The following KCND3 variants were observed in gnomAD, a reference collection of about 807,000 sequenced individuals.
KCND3 encodes the protein potassium voltage-gated channel subfamily D member 3, also known as A-type voltage-gated potassium channel KCND3.
KCND3 carries 9 observed loss-of-function variants against 51.1 expected under a neutral mutation model. That is an observed-to-expected ratio of 0.18 (90% CI 0.11 to 0.31). The LOEUF (loss-of-function observed/expected upper bound fraction) is 0.31, where lower values mean the gene tolerates loss of function less well. Among genes scored for constraint, KCND3 ranks in the 10% least tolerant of loss-of-function variants. The pLI is 1.00. For missense variants in KCND3, 526 were observed against 903.8 expected, an observed-to-expected ratio of 0.58 and a Z score of 5.36; for synonymous variants, 349 against 368.0, an observed-to-expected ratio of 0.95 and a Z score of 0.59.
At chr1:111,948,824 G>A (rs1239131043) in intron 2 of KCND3, among the ~76,000 whole-genome samples, 1 of 152,038 alleles carries the variant, frequency 6.6e-6, no homozygotes, top group African/African-American at 2.4e-5. Context: ...ATGAGGGAGG[G>A]ATAGGCGAGA....
chr1:111,970,934 T>C (rs1300921128), intron 2 of KCND3, among the ~76,000 whole-genome samples: 3 of 152,162 alleles, frequency 2.0e-5, no homozygotes. Context: ...CCAAGACAGA[T>C]GTCTCCTAGA....
At chr1:111,822,839 G>A (rs1448462035) in intron 2 of KCND3, among the ~76,000 whole-genome samples, 1 of 152,146 alleles carries the variant, frequency 6.6e-6, no homozygotes, top group Non-Finnish European at 1.5e-5. Context: ...AATGGAGAAG[G>A]CAAAAACAAA....
chr1:111,826,244 A>G (rs886265185), intron 2 of KCND3, among the ~76,000 whole-genome samples: 5 of 152,214 alleles, frequency 3.3e-5, no homozygotes, highest in Non-Finnish European at 7.3e-5. Flanking sequence ...CTGTAAATAT[A>G]GTTTTTGGCT....
intron 3 of KCND3, among the ~76,000 whole-genome samples, chr1:111,781,984 C>T (rs762348403): frequency 2.7e-4 from 41 of 152,186 alleles, no homozygotes; most frequent in Non-Finnish European, 1.5e-4. Context: ...AATCTATTTA[C>T]AGCCCCAGGT....
At chr1:111,781,784 A>G (rs1664399984) in intron 3 of KCND3, among the ~76,000 whole-genome samples, 1 of 152,210 alleles carries the variant, frequency 6.6e-6, no homozygotes, top group Non-Finnish European at 1.5e-5. Context: ...TCCTGCTTGC[A>G]CAGGGAGAAG....
chr1:111,964,306 A>T (rs1309753181), intron 2 of KCND3, among the ~76,000 whole-genome samples: 1 of 151,972 alleles, frequency 6.6e-6, no homozygotes, highest in East Asian at 1.9e-4. Context: ...GGGAGGGGTG[A>T]CTCCTGGGCA....
chr1:111,927,848 C>T (rs1671780297), intron 2 of KCND3, among the ~76,000 whole-genome samples: 1 of 152,162 alleles, frequency 6.6e-6, no homozygotes, highest in African/African-American at 2.4e-5. Flanking sequence ...ACTCCTCTTC[C>T]CTCTCCACAG....
At chr1:111,908,723 C>CT (rs1305199496) in intron 2 of KCND3, among the ~76,000 whole-genome samples, 6 of 152,108 alleles carry the variant, frequency 3.9e-5, no homozygotes, top group Non-Finnish European at 7.3e-5. Context: ...TAATTCAACA[C>CT]TTTTTTTGTC....
chr1:111,917,414 T>G (rs1232297699), intron 2 of KCND3, among the ~76,000 whole-genome samples: 2 of 152,138 alleles, frequency 1.3e-5, no homozygotes, highest in Admixed American at 6.5e-5. Flanking sequence ...CTTAGAATAG[T>G]CCCTGGAACC....
intron 2 of KCND3, among the ~76,000 whole-genome samples, chr1:111,859,484 A>G (rs1668238472): frequency 6.6e-6 from 1 of 152,240 alleles, no homozygotes; most frequent in Non-Finnish European, 1.5e-5. Context: ...ACCCTGAAGG[A>G]CACCGGGGCC....
At chr1:111,918,199 C>A (rs1285457941) in intron 2 of KCND3, among the ~76,000 whole-genome samples, 3 of 152,192 alleles carry the variant, frequency 2.0e-5, no homozygotes, top group Admixed American at 6.5e-5. Context: ...AAGAAAACCA[C>A]TTTGTAAACT....
chr1:111,959,825 G>C (rs528621866), intron 2 of KCND3, among the ~76,000 whole-genome samples: 4 of 152,080 alleles, frequency 2.6e-5, no homozygotes, highest in African/African-American at 9.7e-5. Flanking sequence ...TGGTTTGGCC[G>C]TGTCCCCACC....
In KCND3 at chr1:111,813,592, G is replaced by A. The variant is rs72692546; in HGVS notation, c.1107-26486C>T. Among the ~76,000 whole-genome samples, 932 of 152,370 alleles carry A rather than the reference G, an allele frequency of 6.1e-3. 3 individuals are homozygous for A. The highest frequency in any genetic ancestry group is 0.023 in the South Asian group (112 of 4,826). On this transcript the variant is annotated intron_variant, in intron 2 of 7. Coordinates refer to ENST00000302127, the MANE Select transcript of KCND3 (RefSeq NM_001378969.1). Reference sequence around the variant, plus strand: ...GCTCTAGCTGTCTTAGGCTCGCCTAGCCACAGCCGGGCCAAGGGGTCCGTG... The same window carrying A: ...GCTCTAGCTGTCTTAGGCTCGCCTAACCACAGCCGGGCCAAGGGGTCCGTG...
chr1:111,775,838 CT>C lies in KCND3; in HGVS notation c.*238del. ...TCCCCGACCCCCCCACCCTCCCTCC[CT>C]TCCTCTGGCCCCAGTGAGATGCAGT... On this transcript the variant is annotated 3_prime_UTR_variant, in exon 8 of 8. Transcript: ENST00000302127. The C allele has an allele frequency of 5.4e-6, 1 of 184,830 alleles. No individual in the cohort carries two copies. Among genetic ancestry groups the C allele is most frequent in the South Asian group, 9.5e-5 (1 of 10,500 alleles). The allele number at this position is 184,830 out of a possible 1,614,324, so 11.4% of individuals were successfully genotyped here.
chr1:111,849,705 T>A (rs942307571), intron 2 of KCND3, among the ~76,000 whole-genome samples: 2 of 152,156 alleles, frequency 1.3e-5, no homozygotes, highest in African/African-American at 4.8e-5. Context: ...GGGAAGCACC[T>A]TTTCTAATTT....
At chr1:111,856,264 C>A (rs1195593585) in intron 2 of KCND3, among the ~76,000 whole-genome samples, 1 of 152,220 alleles carries the variant, frequency 6.6e-6, no homozygotes, top group East Asian at 1.9e-4. Flanking sequence ...TCAGAACACA[C>A]AATTTGGTCT....
intron 2 of KCND3, among the ~76,000 whole-genome samples, chr1:111,813,154 G>A (rs1164876157): frequency 6.6e-6 from 1 of 152,116 alleles, no homozygotes; most frequent in Non-Finnish European, 1.5e-5. Flanking sequence ...GGGAGTGGGG[G>A]TATGGGAAGG....
At chr1:111,927,742 C>G (rs780452180) in intron 2 of KCND3, among the ~76,000 whole-genome samples, 20 of 152,222 alleles carry the variant, frequency 1.3e-4, no homozygotes, top group Non-Finnish European at 2.6e-4. Flanking sequence ...AAGAACAGCC[C>G]TGCCCTAGGG....
intron 2 of KCND3, among the ~76,000 whole-genome samples, chr1:111,944,506 G>A (rs372274958): frequency 2.6e-5 from 4 of 152,162 alleles, no homozygotes; most frequent in Non-Finnish European, 4.4e-5. Context: ...AGACCTTTGC[G>A]AGGTGAAGCC....
Sources: gnomAD v4.1 joint callset for allele counts (sites outside exome capture counted in the v4.1 genomes callset) on GRCh38, gnomAD v4.1.1 for gene constraint, MANE v1.5 for transcripts, NCBI Gene and HGNC (gene_info 2026-07-23, HGNC 2026-07-21) for gene names.